The following OTUD4 variants were observed in gnomAD, a reference collection of about 807,000 sequenced individuals.
OTUD4 encodes the protein OTU domain-containing protein 4.
OTUD4 carries 24 observed loss-of-function variants against 130.4 expected under a neutral mutation model. The ratio of observed to expected loss-of-function variants is 0.18; its 90% CI spans 0.13 to 0.26. The LOEUF is 0.26. Ranked by LOEUF, OTUD4 falls within the 10% of genes least tolerant of loss-of-function variation. OTUD4 has a pLI of 1.00. For synonymous variants in OTUD4, 420 were observed against 472.5 expected (o/e 0.89, Z 1.44); for missense variants, 1,031 against 1,329.4 (o/e 0.78, Z 3.49).
intron 1 of OTUD4, 199 bp downstream of exon 1, chr4:145,179,616 G>A: frequency 2.2e-6 from 3 of 1,386,804 alleles, no homozygotes; most frequent in Admixed American, 3.5e-5. Flanking sequence ...TAATTTGCGG[G>A]CTTTCGAGTT....
chr4:145,179,492 T>TA (rs1039978112), intron 1 of OTUD4: 5 of 604,632 alleles, frequency 8.3e-6, no homozygotes, highest in Non-Finnish European at 8.9e-6. Flanking sequence ...GGAACAAAAG[T>TA]AAAAAATATC....
intron 5 of OTUD4, 51 bp downstream of exon 5, chr4:145,164,103 C>T (rs1326285966): frequency 1.3e-6 from 1 of 779,652 alleles, no homozygotes; most frequent in African/African-American, 1.8e-5. Flanking sequence ...ATGGTAGCAA[C>T]TAAGCGGTTC....
chr4:145,156,158 G>A (rs1158474548), intron 7 of OTUD4, among the ~76,000 whole-genome samples, 162 bp from the exon 8 acceptor site: 1 of 152,174 alleles, frequency 6.6e-6, no homozygotes, highest in Admixed American at 6.5e-5. Context: ...ATATATAAAA[G>A]GGTATATGTA....
chr4:145,177,824 T>C (rs1579298039), intron 1 of OTUD4, among the ~76,000 whole-genome samples: 2 of 152,238 alleles, frequency 1.3e-5, no homozygotes, highest in Non-Finnish European at 2.9e-5. Flanking sequence ...TTTACTTTGA[T>C]TCCTTCTTAG....
intron 6 of OTUD4, among the ~76,000 whole-genome samples, chr4:145,160,771 C>A (rs1751521675): frequency 6.6e-6 from 1 of 152,130 alleles, no homozygotes; most frequent in African/African-American, 2.4e-5. Flanking sequence ...TGAGATCATG[C>A]CACTGCACTC....
At chr4:145,168,941 T>TA (rs1196149372) in intron 3 of OTUD4, among the ~76,000 whole-genome samples, 1 of 152,246 alleles carries the variant, frequency 6.6e-6, no homozygotes, top group East Asian at 1.9e-4. Context: ...TTGTGATAGA[T>TA]ACATACACAG....
At chr4:145,166,379 A>T (rs529640919) in intron 3 of OTUD4, among the ~76,000 whole-genome samples, 1 of 152,280 alleles carries the variant, frequency 6.6e-6, no homozygotes, top group African/African-American at 2.4e-5. Flanking sequence ...AAAATTTAAA[A>T]TGTCCCATAT....
At position 145,142,279 on chromosome 4, in the gene OTUD4, T is replaced by A. The variant is rs1410918209; in HGVS notation, c.1739A>T (p.Glu580Val). 3 of 1,613,888 alleles carry A rather than the reference T, an allele frequency of 1.9e-6. No individual in the cohort carries two copies. In the East Asian group the frequency reaches 6.7e-5, roughly 36 times the overall value. Residue 580 changes from glutamate to valine, a missense_variant, in exon 18 of 21, where the codon GAG (glutamate) becomes GTG (valine). Physicochemically the swap from Glu to Val is moderately radical, Grantham distance 121. This residue lies in a region of OTUD4 where 900 missense variants were observed against 1,095.9 expected (regional missense o/e 0.82). Transcript: ENST00000447906. ...AGGCACCGCAGGAGTTAGATGTACC[T>A]CTGGAGAAACTAGAAGGGGAGCTGG... is the stretch of plus-strand genomic sequence containing the variant. ...SNPAPLLVSPEVHLTPAVPSL... is the reference protein window; with the variant it reads ...SNPAPLLVSPVVHLTPAVPSL...
chr4:145,141,855 C>T (rs958851101), intron 18 of OTUD4, among the ~76,000 whole-genome samples: 6 of 151,970 alleles, frequency 3.9e-5, no homozygotes, highest in South Asian at 4.2e-4. Flanking sequence ...CTTGCAGGCA[C>T]GTGTAGGACA....
chr4:145,179,515 C>A, intron 1 of OTUD4: 1 of 842,424 alleles, frequency 1.2e-6, no homozygotes, highest in Non-Finnish European at 1.5e-6. Flanking sequence ...GTCGCCAGGT[C>A]CCCAGCAATA....
chr4:145,140,649 C>CT (rs1335304141), intron 19 of OTUD4, among the ~76,000 whole-genome samples: 1 of 152,072 alleles, frequency 6.6e-6, no homozygotes, highest in Non-Finnish European at 1.5e-5. Context: ...AAATATAGTA[C>CT]TTTAACAGCC....
At chr4:145,165,832 C>T (rs1009205856) in intron 3 of OTUD4, among the ~76,000 whole-genome samples, 1 of 152,114 alleles carries the variant, frequency 6.6e-6, no homozygotes, top group Admixed American at 6.5e-5. Flanking sequence ...CTCAGGAGAG[C>T]GCCTGGCACA....
chr4:145,135,077 C>A lies in OTUD4; in HGVS notation c.*2353G>T. On this transcript the variant is annotated 3_prime_UTR_variant, in exon 21 of 21. Coordinates refer to ENST00000447906, the MANE Select transcript of OTUD4 (RefSeq NM_001366057.1). The stretch of plus-strand genomic sequence containing the variant: ...TCCCCTGGACTAATACATTTAAAAA[C>A]AAACTTAAAGGAAAAAAAGCGAAAC... 3.0e-4 allele frequency: 96 copies of A among 318,090 alleles called. No homozygotes were observed. The highest frequency in any genetic ancestry group is 3.5e-4 in the Non-Finnish European group (63 of 178,262). 19.7% of individuals were successfully genotyped at this position (318,090 alleles called of 1,614,324 possible). A position where few individuals can be genotyped will look rare whatever the true frequency, so the allele number is the denominator to read the frequency against.
At chr4:145,177,207 G>A (rs576907487) in intron 1 of OTUD4, among the ~76,000 whole-genome samples, 13 of 152,342 alleles carry the variant, frequency 8.5e-5, no homozygotes, top group East Asian at 3.9e-4. Flanking sequence ...CATTAGCAAC[G>A]TGGAGCTAGT....
chr4:145,153,874 G>A (rs538242851), intron 10 of OTUD4, among the ~76,000 whole-genome samples: 1 of 152,266 alleles, frequency 6.6e-6, no homozygotes, highest in Admixed American at 6.5e-5. Flanking sequence ...GTTATCAAAA[G>A]TTTAAACTAC....
chr4:145,167,614 T>C (rs1029120605), intron 3 of OTUD4, among the ~76,000 whole-genome samples: 2 of 152,168 alleles, frequency 1.3e-5, no homozygotes. Context: ...CCCAGCACTT[T>C]GGGAGGCCAA....
At position 145,179,923 on chromosome 4, in the gene OTUD4, C is replaced by T. The variant is rs1013589548; in HGVS notation, c.51G>A (p.Gly17=). 1 of 1,527,024 alleles carries T rather than the reference C, an allele frequency of 6.5e-7. No individual in the cohort carries two copies. Among genetic ancestry groups the T allele is most frequent in the African/African-American group, 1.4e-5 (1 of 71,762 alleles). The allele number at this position is 1,527,024 out of a possible 1,614,324, so 94.6% of individuals were successfully genotyped here. A position where few individuals can be genotyped will look rare whatever the true frequency, so the allele number is the denominator to read the frequency against. Residue 17 remains glycine, a synonymous_variant, in exon 1 of 21, where the codon GGG becomes GGA. Coordinates refer to ENST00000447906, the MANE Select transcript of OTUD4 (RefSeq NM_001366057.1). ...VPDGGDQGGA[G]PREDATPMDA... The stretch of plus-strand genomic sequence containing the variant: ...CCATGGGCGTCGCGTCCTCGCGGGG[C>T]CCCGCGCCGCCCTGGTCCCCGCCGT...
intron 1 of OTUD4, chr4:145,179,534 G>A: frequency 1.8e-6 from 2 of 1,082,180 alleles, no homozygotes; most frequent in Non-Finnish European, 1.2e-6. Flanking sequence ...TAAATCAACT[G>A]TACAAGCTCC....
At chr4:145,152,718 CT>C (rs376046110) in intron 10 of OTUD4, 83 bp from the exon 11 acceptor site, 54,975 of 552,894 alleles carry the variant, frequency 0.099, no homozygotes, top group East Asian at 0.12. Flanking sequence ...TTTTGCGGTT[CT>C]TTTTTTTTTT....
Sources: gnomAD v4.1 joint callset for allele counts (sites outside exome capture counted in the v4.1 genomes callset) on GRCh38, gnomAD v4.1.1 for gene constraint, gnomAD v4.1.1 regional missense constraint, MANE v1.5 for transcripts, NCBI Gene and HGNC (gene_info 2026-07-23, HGNC 2026-07-21) for gene names.